ZBTB10: variants seen among roughly 807,000 people sequenced by gnomAD.
ZBTB10 encodes zinc finger and BTB domain-containing protein 10.
ZBTB10 carries 32 observed loss-of-function variants against 76.4 expected under a neutral mutation model. That is an observed-to-expected ratio of 0.42 (90% CI 0.32 to 0.56). The LOEUF (loss-of-function observed/expected upper bound fraction) is 0.56, where lower values mean the gene tolerates loss of function less well. ZBTB10 is among the 20% of genes least tolerant of loss of function. ZBTB10 has a pLI of 0.14. For missense variants in ZBTB10, 1,057 were observed against 1,098.5 expected, an observed-to-expected ratio of 0.96 and a Z score of 0.53; for synonymous variants, 523 against 432.9, an observed-to-expected ratio of 1.21 and a Z score of -2.58.
chr8:80,519,852 G>A lies in ZBTB10; in HGVS notation c.*324G>A, dbSNP rs1315154565. On this transcript the variant is annotated 3_prime_UTR_variant, in exon 6 of 6. Coordinates refer to ENST00000455036, the MANE Select transcript of ZBTB10 (RefSeq NM_001105539.3). ...TAGTCCTTAAAGAGCTTACATTCAT[G>A]TGCTACTTTAACATGAATGGAGAAA... The A allele has an allele frequency of 3.6e-5, 7 of 194,806 alleles. No homozygotes were observed. The highest frequency in any genetic ancestry group is 7.5e-5 in the Non-Finnish European group (7 of 93,088). The allele number at this position is 194,806 out of a possible 1,614,324, so 12.1% of individuals were successfully genotyped here. A position where few individuals can be genotyped will look rare whatever the true frequency, so the allele number is the denominator to read the frequency against.
intron 2 of ZBTB10, among the ~76,000 whole-genome samples, chr8:80,505,992 G>A (rs181254276): frequency 2.4e-3 from 368 of 150,772 alleles, no homozygotes; most frequent in Non-Finnish European, 3.7e-3. Flanking sequence ...TCAGGCTCAA[G>A]GGATCCTCCA....
rs1236257779 is a variant in ZBTB10 at position 80,500,258 on chromosome 8, A to G, written c.1737A>G (p.Gln579=). 6.3e-7 allele frequency: 1 copy of G among 1,581,460 alleles called. No homozygotes were observed. The highest frequency in any genetic ancestry group is 8.6e-7 in the Non-Finnish European group (1 of 1,163,002). Residue 579 remains glutamine (Q), a synonymous_variant, in exon 2 of 6, where the codon CAA becomes CAG. Coordinates refer to ENST00000455036, the MANE Select transcript of ZBTB10 (RefSeq NM_001105539.3). ...QETGKTRRKN[Q]TTKRFIYNIP... is the part of the protein sequence containing the mutation. ...CTGGCAAAACAAGGAGGAAAAACCA[A>G]ACTACAAAAAGATTTATTTATAATA...
Position 80,521,105 on chromosome 8 carries a change from G to C in ZBTB10, c.*1577G>C, listed in dbSNP as rs1816439545. ...TCCATCTGATCAAAGTTGAAAAGTT[G>C]ATGTTTTTTAAGAGACAAGCTTTAT... On this transcript the variant is annotated 3_prime_UTR_variant, in exon 6 of 6. Coordinates refer to ENST00000455036, the MANE Select transcript of ZBTB10 (RefSeq NM_001105539.3). 1 of 151,840 alleles carries C rather than the reference G, an allele frequency of 6.6e-6. No homozygotes were observed. The highest frequency in any genetic ancestry group is 2.1e-4 in the South Asian group (1 of 4,834). 9.4% of individuals were successfully genotyped at this position (151,840 alleles called of 1,614,324 possible). A position where few individuals can be genotyped will look rare whatever the true frequency, so the allele number is the denominator to read the frequency against.
chr8:80,513,447 A>T (rs1386098197), intron 2 of ZBTB10, among the ~76,000 whole-genome samples: 1 of 152,200 alleles, frequency 6.6e-6, no homozygotes, highest in Non-Finnish European at 1.5e-5. Flanking sequence ...CCAGCTAAGC[A>T]GTCTAGCTTT....
chr8:80,485,949 C>T (rs1342815992), upstream of ZBTB10: 1 of 1,470,264 alleles, frequency 6.8e-7, no homozygotes, highest in African/African-American at 1.4e-5. Flanking sequence ...CTCCGCGTAG[C>T]CCGGCCCCGG....
rs1359024407 is a variant in ZBTB10, at chr8:80,486,906, C to T, written c.96C>T (p.Gly32=). ...SGGGSTNNNA[G]GEASAWPPQP... ...GCGGCTCCACGAACAATAACGCTGG[C>T]GGGGAGGCCTCAGCTTGGCCTCCGC... Residue 32 remains glycine (G), a synonymous_variant, in exon 1 of 6, where the codon GGC becomes GGT. Coordinates refer to ENST00000455036, the MANE Select transcript of ZBTB10 (RefSeq NM_001105539.3). 1.3e-6 allele frequency: 2 copies of T among 1,510,222 alleles called. No individual in the cohort carries two copies. The highest frequency in any genetic ancestry group is 1.5e-5 in the African/African-American group (1 of 68,918). 93.6% of individuals were successfully genotyped at this position (1,510,222 alleles called of 1,614,324 possible).
intron 1 of ZBTB10, among the ~76,000 whole-genome samples, chr8:80,498,239 C>G (rs1399823318): frequency 1.3e-5 from 2 of 152,232 alleles, no homozygotes; most frequent in Admixed American, 6.5e-5. Flanking sequence ...TAACTCTCTT[C>G]TAAGCATGTC....
chr8:80,496,852 CT>C (rs528940432), intron 1 of ZBTB10, among the ~76,000 whole-genome samples: 1 of 152,170 alleles, frequency 6.6e-6, no homozygotes. Flanking sequence ...GTGTTGAAAA[CT>C]TTTGCTTCTT....
chr8:80,506,241 A>T (rs561810590), intron 2 of ZBTB10, among the ~76,000 whole-genome samples: 10 of 152,172 alleles, frequency 6.6e-5, no homozygotes, highest in Admixed American at 6.5e-4. Flanking sequence ...TTTCTTAATC[A>T]TTTTGGCAAC....
chr8:80,515,430 G>A (rs1309586416), intron 3 of ZBTB10, among the ~76,000 whole-genome samples: 1 of 152,162 alleles, frequency 6.6e-6, no homozygotes, highest in Non-Finnish European at 1.5e-5. Flanking sequence ...TAAAGAAACT[G>A]CCTTAAGGTG....
chr8:80,521,696 A>G lies in ZBTB10; in HGVS notation c.*2168A>G, dbSNP rs1196120672. Reference sequence around the variant, plus strand: ...AGCTGAATTTTCTTTTACTACTTAAATCATTTATGTATATCTGGTAAATTA... The same window carrying G: ...AGCTGAATTTTCTTTTACTACTTAAGTCATTTATGTATATCTGGTAAATTA... On this transcript the variant is annotated 3_prime_UTR_variant, in exon 6 of 6. Coordinates refer to ENST00000455036, the MANE Select transcript of ZBTB10 (RefSeq NM_001105539.3). 1 of 151,804 alleles carries G rather than the reference A, an allele frequency of 6.6e-6. No individual in the cohort carries two copies. The highest frequency in any genetic ancestry group is 1.5e-5 in the Non-Finnish European group (1 of 67,766). 9.4% of individuals were successfully genotyped at this position (151,804 alleles called of 1,614,324 possible).
At chr8:80,512,774 C>T (rs938469559) in intron 2 of ZBTB10, among the ~76,000 whole-genome samples, 1 of 152,160 alleles carries the variant, frequency 6.6e-6, no homozygotes, top group Non-Finnish European at 1.5e-5. Context: ...CTATTTCTCA[C>T]ACTTCCCTTT....
At position 80,523,343 on chromosome 8, in the gene ZBTB10, C is replaced by T. The variant is rs1427488512; in HGVS notation, c.*3815C>T. On this transcript the variant is annotated 3_prime_UTR_variant, in exon 6 of 6. Transcript: ENST00000455036. ...CAGCTGTGTTTAGAATTTTGAGTGT[C>T]TTTCCTCCCCCCAATAAATTTCCTT... The T allele has an allele frequency of 6.6e-6, 1 of 151,960 alleles. No homozygotes were observed. The highest frequency in any genetic ancestry group is 2.4e-5 in the African/African-American group (1 of 41,430). The allele number at this position is 151,960 out of a possible 1,614,324, so 9.4% of individuals were successfully genotyped here.
chr8:80,505,915 ATTT>A (rs58176444), intron 2 of ZBTB10, among the ~76,000 whole-genome samples: 16,054 of 131,854 alleles, frequency 0.12, 2,216 homozygotes, highest in African/African-American at 0.34. Flanking sequence ...TGCCTGGCTA[ATTT>A]TTTTTTTTTT....
intron 1 of ZBTB10, among the ~76,000 whole-genome samples, chr8:80,488,934 C>T (rs1328655166): frequency 2.0e-5 from 3 of 152,178 alleles, no homozygotes; most frequent in Non-Finnish European, 4.4e-5. Context: ...CCATGTTTCT[C>T]AGAAGTTAGG....
Position 80,487,600 on chromosome 8 carries a change from T to A in ZBTB10, c.790T>A (p.Ser264Thr). 1 of 1,613,792 alleles carries A rather than the reference T, an allele frequency of 6.2e-7. No individual in the cohort carries two copies. Among genetic ancestry groups the A allele is most frequent in the Non-Finnish European group, 8.5e-7 (1 of 1,179,794 alleles). Residue 264 changes from serine to threonine, a missense_variant, in exon 1 of 6, where the codon TCC becomes ACC. By Grantham distance (58) the Ser-to-Thr change is moderately conservative. Transcript: ENST00000455036. ...WLKDFPWLRY[S>T]KDTGLMSCGW... is the part of the protein sequence containing the mutation. ...CAAGGACTTTCCCTGGCTGCGCTAT[T>A]CCAAGGATACTGGTCTTATGTCTTG...
intron 2 of ZBTB10, among the ~76,000 whole-genome samples, chr8:80,512,077 C>T (rs1408135400): frequency 6.6e-6 from 1 of 151,804 alleles, no homozygotes; most frequent in East Asian, 1.9e-4. Flanking sequence ...TAATGTGGTA[C>T]CACATTAAAT....
chr8:80,503,088 T>G (rs1443391766), intron 2 of ZBTB10, among the ~76,000 whole-genome samples: 2 of 152,118 alleles, frequency 1.3e-5, no homozygotes, highest in Admixed American at 6.6e-5. Context: ...CTAAATTGAG[T>G]CAAACATAAT....
chr8:80,497,807 G>A (rs1016439555), intron 1 of ZBTB10, among the ~76,000 whole-genome samples: 4 of 149,996 alleles, frequency 2.7e-5, no homozygotes, highest in Non-Finnish European at 4.4e-5. Flanking sequence ...CATTACAGGC[G>A]TGCCCCACTA....
Sources: gnomAD v4.1 joint callset for allele counts (sites outside exome capture counted in the v4.1 genomes callset) on GRCh38, gnomAD v4.1.1 for gene constraint, MANE v1.5 for transcripts, NCBI Gene and HGNC (gene_info 2026-07-23, HGNC 2026-07-21) for gene names.